CNTNAP5: variants seen among roughly 807,000 people sequenced by gnomAD.
The protein encoded by CNTNAP5 is contactin-associated protein-like 5.
CNTNAP5 carries 72 observed loss-of-function variants against 150.2 expected under a neutral mutation model. That is an observed-to-expected ratio of 0.48 (90% confidence interval 0.40 to 0.58). CNTNAP5 has a LOEUF of 0.58. Ranked by LOEUF, CNTNAP5 falls within the 20% of genes least tolerant of loss-of-function variation. CNTNAP5 has a pLI of 0.00. For synonymous variants in CNTNAP5, 672 were observed against 619.8 expected, an observed-to-expected ratio of 1.08 and a Z score of -1.25; for missense variants, 1,636 against 1,626.2, an observed-to-expected ratio of 1.01 and a Z score of -0.10.
intron 14 of CNTNAP5, among the ~76,000 whole-genome samples, chr2:124,749,327 C>A (rs560277657): frequency 6.6e-6 from 1 of 150,808 alleles, no homozygotes; most frequent in African/African-American, 2.4e-5. Flanking sequence ...TTGACTCTGA[C>A]CCCTCCCCTC....
At chr2:124,559,380 G>A (rs565192493) in intron 10 of CNTNAP5, among the ~76,000 whole-genome samples, 1 of 152,110 alleles carries the variant, frequency 6.6e-6, no homozygotes, top group East Asian at 1.9e-4. Context: ...CAATGTGTCT[G>A]CCACACTATC....
chr2:124,156,389 C>G (rs72845536), intron 1 of CNTNAP5, among the ~76,000 whole-genome samples: 8 of 152,296 alleles, frequency 5.3e-5, no homozygotes, highest in African/African-American at 1.4e-4. Context: ...GATGAATGAT[C>G]ATCATGATGT....
At chr2:124,411,381 G>A (rs1362819158) in intron 3 of CNTNAP5, among the ~76,000 whole-genome samples, 1 of 151,958 alleles carries the variant, frequency 6.6e-6, no homozygotes, top group Non-Finnish European at 1.5e-5. Context: ...CATTTTATGA[G>A]GCCAGCATCA....
At chr2:124,301,843 A>G (rs2250832) in intron 3 of CNTNAP5, among the ~76,000 whole-genome samples, 2,772 of 152,296 alleles carry the variant, frequency 0.018, 85 homozygotes, top group African/African-American at 0.061. Flanking sequence ...TTACGGGAAA[A>G]TGTCACTGAA....
intron 3 of CNTNAP5, among the ~76,000 whole-genome samples, chr2:124,400,151 A>G (rs1479903619): frequency 6.6e-6 from 1 of 151,532 alleles, no homozygotes; most frequent in Non-Finnish European, 1.5e-5. Flanking sequence ...TGCTACATTT[A>G]TTTCTTCATT....
rs144106108 is a variant in CNTNAP5 at position 124,552,051 on chromosome 2, AG to A, written c.1650-11164del. On this transcript the variant is annotated intron_variant, in intron 10 of 23. Transcript: ENST00000682447. ...CTACTGTGCTTATTTTCTTAGACAAAGGACCATTTTCTTTTAATTTTTACAA... is the reference window on the plus strand; with the variant it reads ...CTACTGTGCTTATTTTCTTAGACAAAGACCATTTTCTTTTAATTTTTACAA... 5.3e-5 allele frequency among the ~76,000 whole-genome samples: 8 copies of A among 152,206 alleles called. No homozygotes were observed. In the South Asian group the frequency reaches 1.7e-3, roughly 32 times the overall value.
Position 124,271,647 on chromosome 2 carries a change from AG to A in CNTNAP5, c.381+29255del, listed in dbSNP as rs970430083. The stretch of plus-strand genomic sequence containing the variant: ...GATACAGCTTTAATTTCCTTCATTT[AG>A]TTTTTTTTTAATCTATCTATCTATC... On this transcript the variant is annotated intron_variant, in intron 3 of 23. Coordinates refer to ENST00000682447, the MANE Select transcript of CNTNAP5 (RefSeq NM_001367498.1). 2.4e-4 allele frequency among the ~76,000 whole-genome samples: 35 copies of A among 147,278 alleles called. 1 individual carries two copies.
At chr2:124,498,666 C>T (rs1694206405) in intron 7 of CNTNAP5, among the ~76,000 whole-genome samples, 1 of 152,094 alleles carries the variant, frequency 6.6e-6, no homozygotes, top group Non-Finnish European at 1.5e-5. Flanking sequence ...TTTTAATATA[C>T]TTATCATGGA....
At chr2:124,512,765 T>C (rs531973265) in intron 8 of CNTNAP5, among the ~76,000 whole-genome samples, 1 of 152,214 alleles carries the variant, frequency 6.6e-6, no homozygotes, top group Non-Finnish European at 1.5e-5. Flanking sequence ...CCATCCTTTT[T>C]ATCAGTTAAT....
At position 124,648,549 on chromosome 2, in the gene CNTNAP5, A is replaced by G. The variant is rs1006220016; in HGVS notation, c.2077+591A>G. On this transcript the variant is annotated intron_variant, in intron 13 of 23. Transcript: ENST00000682447. ...AAAGTGTGCTTCTAGAAAAAATTAA[A>G]CTAACACTGCATATGAATTTATTTA... 4.6e-5 allele frequency among the ~76,000 whole-genome samples: 7 copies of G among 152,162 alleles called. 1 individual carries two copies. The South Asian group carries it at 1.4e-3, about 32-fold the overall frequency.
chr2:124,180,545 C>T (rs1685184173), intron 1 of CNTNAP5, among the ~76,000 whole-genome samples: 1 of 151,712 alleles, frequency 6.6e-6, no homozygotes, highest in Non-Finnish European at 1.5e-5. Context: ...GTAACCAAAG[C>T]CTAAATCTAC....
intron 17 of CNTNAP5, among the ~76,000 whole-genome samples, chr2:124,784,227 T>A (rs766726401): frequency 2.6e-5 from 4 of 152,144 alleles, no homozygotes; most frequent in Non-Finnish European, 5.9e-5. Context: ...AATAAGAGCC[T>A]GACCTGATGC....
At chr2:124,840,483 T>C (rs1682921930) in intron 19 of CNTNAP5, among the ~76,000 whole-genome samples, 1 of 152,074 alleles carries the variant, frequency 6.6e-6, no homozygotes, top group Non-Finnish European at 1.5e-5. Flanking sequence ...ATTGGCTATG[T>C]AGTCTCAGAA....
intron 12 of CNTNAP5, among the ~76,000 whole-genome samples, chr2:124,636,339 T>A (rs1476134221): frequency 6.6e-6 from 1 of 152,202 alleles, no homozygotes; most frequent in Non-Finnish European, 1.5e-5. Context: ...ACATATCTAA[T>A]GCATGGTAGA....
At chr2:124,485,936 T>C (rs1443999271) in intron 7 of CNTNAP5, among the ~76,000 whole-genome samples, 4 of 152,180 alleles carry the variant, frequency 2.6e-5, no homozygotes, top group Admixed American at 2.6e-4. Context: ...ACCGTTTGAT[T>C]GAGCAATTTC....
chr2:124,876,459 T>C (rs1004080600), intron 21 of CNTNAP5, among the ~76,000 whole-genome samples: 1 of 151,568 alleles, frequency 6.6e-6, no homozygotes, highest in Non-Finnish European at 1.5e-5. Flanking sequence ...TCTCCCTTTT[T>C]TAAGAGGAGA....
intron 7 of CNTNAP5, among the ~76,000 whole-genome samples, chr2:124,492,193 C>A (rs541629374): frequency 6.6e-6 from 1 of 152,136 alleles, no homozygotes; most frequent in African/African-American, 2.4e-5. Flanking sequence ...ATTGCCTAGA[C>A]CAATGTCAAG....
At chr2:124,229,940 T>G (rs1686572381) in intron 2 of CNTNAP5, among the ~76,000 whole-genome samples, 1 of 152,154 alleles carries the variant, frequency 6.6e-6, no homozygotes, top group African/African-American at 2.4e-5. Context: ...TGTTTATCAT[T>G]TGTTCCTTGA....
chr2:124,433,197 TTGAGA>T (rs1207778214), intron 4 of CNTNAP5, among the ~76,000 whole-genome samples: 1 of 152,146 alleles, frequency 6.6e-6, no homozygotes, highest in Non-Finnish European at 1.5e-5. Context: ...GGAATCCTAG[TTGAGA>T]TAACAGTCAT....
Sources: allele counts gnomAD v4.1 joint callset (sites outside exome capture counted in the v4.1 genomes callset), GRCh38; gene constraint gnomAD v4.1.1; transcripts MANE v1.5; gene names NCBI Gene and HGNC (gene_info 2026-07-23, HGNC 2026-07-21).